The following NOS1AP variants were observed in gnomAD, a reference collection of about 807,000 sequenced individuals.
NOS1AP encodes the protein carboxyl-terminal PDZ ligand of neuronal nitric oxide synthase protein.
NOS1AP carries 21 observed loss-of-function variants against 56.2 expected under a neutral mutation model. The observed-to-expected ratio is 0.37, with a 90% CI of 0.26 to 0.54. NOS1AP has a LOEUF of 0.54. Ranked by LOEUF, NOS1AP falls within the 20% of genes least tolerant of loss-of-function variation. The probability of loss-of-function intolerance (pLI) is 0.84; values close to 1 mark genes in which losing one functional copy is unlikely to be tolerated. For missense variants in NOS1AP, 522 were observed against 657.8 expected, an observed-to-expected ratio of 0.79 and a Z score of 2.26; for synonymous variants, 270 against 274.6, an observed-to-expected ratio of 0.98 and a Z score of 0.17.
chr1:162,366,835 ACCACGTC>A (rs1232647361), intron 9 of NOS1AP: 1 of 628,970 alleles, frequency 1.6e-6, no homozygotes, highest in African/African-American at 1.8e-5. Context: ...CCCCGCCTTT[ACCACGTC>A]CCAAAGCTCC....
chr1:162,316,717 G>A (rs1571213711), intron 4 of NOS1AP: 2 of 152,494 alleles, frequency 1.3e-5, no homozygotes, highest in Non-Finnish European at 2.9e-5. Flanking sequence ...AGGGGCAGGG[G>A]GTGGATCTCA....
At chr1:162,349,938 C>T (rs766024613) in intron 6 of NOS1AP, among the ~76,000 whole-genome samples, 3 of 152,230 alleles carry the variant, frequency 2.0e-5, no homozygotes, top group Non-Finnish European at 4.4e-5. Context: ...TGTTTACTGC[C>T]TAGCCCATTA....
intron 1 of NOS1AP, among the ~76,000 whole-genome samples, chr1:162,090,018 GT>G (rs1692092628): frequency 1.3e-5 from 2 of 152,080 alleles, no homozygotes; most frequent in South Asian, 4.1e-4. Context: ...CCCTCATTTA[GT>G]TTTTAGTTCT....
chr1:162,347,493 A>T (rs893813210), intron 6 of NOS1AP, among the ~76,000 whole-genome samples: 1 of 152,222 alleles, frequency 6.6e-6, no homozygotes, highest in Non-Finnish European at 1.5e-5. Context: ...ATCTCCAAGT[A>T]CTTAATCAGA....
chr1:162,296,874 A>T (rs1273207418), intron 3 of NOS1AP, among the ~76,000 whole-genome samples: 5 of 152,204 alleles, frequency 3.3e-5, no homozygotes, highest in Admixed American at 2.0e-4. Context: ...TATGAGTGGA[A>T]ATAGAGTCAC....
chr1:162,177,684 A>T (rs1651112777), intron 2 of NOS1AP, among the ~76,000 whole-genome samples: 1 of 152,242 alleles, frequency 6.6e-6, no homozygotes, highest in Non-Finnish European at 1.5e-5. Context: ...ATTTTTTAAA[A>T]AAGTAGTAAA....
intron 2 of NOS1AP, among the ~76,000 whole-genome samples, chr1:162,190,117 T>G (rs1027122028): frequency 1.3e-5 from 2 of 152,206 alleles, no homozygotes; most frequent in Non-Finnish European, 2.9e-5. Flanking sequence ...GAGCTTAACT[T>G]TTTGTAGTGG....
intron 2 of NOS1AP, among the ~76,000 whole-genome samples, chr1:162,277,188 A>G (rs1290522718): frequency 2.0e-5 from 3 of 152,172 alleles, no homozygotes; most frequent in African/African-American, 7.2e-5. Flanking sequence ...GAGAAGCACC[A>G]GTTTAGAGAA....
At chr1:162,362,289 A>G (rs1432305229) in intron 8 of NOS1AP, among the ~76,000 whole-genome samples, 1 of 152,146 alleles carries the variant, frequency 6.6e-6, no homozygotes, top group Non-Finnish European at 1.5e-5. Context: ...CGTCTCTACT[A>G]AAAATACAAA....
At chr1:162,266,418 A>C (rs1388679954) in intron 2 of NOS1AP, among the ~76,000 whole-genome samples, 1 of 152,210 alleles carries the variant, frequency 6.6e-6, no homozygotes, top group African/African-American at 2.4e-5. Flanking sequence ...GATGGTATTC[A>C]GGAAGGGTTA....
At chr1:162,081,544 CT>C (rs111534489) in intron 1 of NOS1AP, among the ~76,000 whole-genome samples, 267 of 136,714 alleles carry the variant, frequency 2.0e-3, no homozygotes, top group Middle Eastern at 0.015. Context: ...CCTTTCCCAG[CT>C]TTTTTTTTTT....
intron 2 of NOS1AP, among the ~76,000 whole-genome samples, chr1:162,235,472 C>T (rs908063301): frequency 7.9e-5 from 12 of 152,286 alleles, no homozygotes; most frequent in South Asian, 4.1e-4. Flanking sequence ...CTCACTGTTG[C>T]GCATACCTGG....
chr1:162,172,010 C>T (rs1219152879), intron 2 of NOS1AP, among the ~76,000 whole-genome samples: 1 of 152,186 alleles, frequency 6.6e-6, no homozygotes, highest in African/African-American at 2.4e-5. Flanking sequence ...GGGGCTTCAG[C>T]CAGTGAGATG....
chr1:162,361,552 G>A (rs1419420365), intron 8 of NOS1AP, among the ~76,000 whole-genome samples: 1 of 152,216 alleles, frequency 6.6e-6, no homozygotes, highest in Non-Finnish European at 1.5e-5. Context: ...CTTATGCCCA[G>A]TACCACTTTT....
At chr1:162,198,049 G>T (rs562904058) in intron 2 of NOS1AP, among the ~76,000 whole-genome samples, 23 of 152,362 alleles carry the variant, frequency 1.5e-4, no homozygotes, top group African/African-American at 5.5e-4. Flanking sequence ...CGGCCTGGCT[G>T]TAGGAGGGCC....
chr1:162,146,139 GC>G (rs911010168), intron 1 of NOS1AP, among the ~76,000 whole-genome samples: 1 of 152,170 alleles, frequency 6.6e-6, no homozygotes, highest in Non-Finnish European at 1.5e-5. Flanking sequence ...ATTTCTGGGG[GC>G]CCTGTCCTTT....
At chr1:162,135,564 C>A (rs1648959821) in intron 1 of NOS1AP, among the ~76,000 whole-genome samples, 1 of 152,152 alleles carries the variant, frequency 6.6e-6, no homozygotes, top group African/African-American at 2.4e-5. Context: ...AAGCCTTCTG[C>A]ATCTCCCAAG....
At chr1:162,106,223 G>A (rs994987152) in intron 1 of NOS1AP, among the ~76,000 whole-genome samples, 1 of 152,190 alleles carries the variant, frequency 6.6e-6, no homozygotes, top group Non-Finnish European at 1.5e-5. Context: ...TTGGCTGGGG[G>A]TTGGGGTTCC....
chr1:162,155,450 T>TAG (rs1179556456), intron 2 of NOS1AP, among the ~76,000 whole-genome samples: 36 of 148,950 alleles, frequency 2.4e-4, no homozygotes, highest in Admixed American at 4.0e-4. Flanking sequence ...CATATATATA[T>TAG]ATATATAGAG....
Sources: allele counts gnomAD v4.1 joint callset (sites outside exome capture counted in the v4.1 genomes callset), GRCh38; gene constraint gnomAD v4.1.1; transcripts MANE v1.5; gene names NCBI Gene and HGNC (gene_info 2026-07-23, HGNC 2026-07-21).